Variants in MAP7D1 observed in about 807,000 individuals in gnomAD.
MAP7D1 encodes the protein MAP7 domain containing 1.
MAP7D1 carries 30 observed loss-of-function variants against 97.5 expected under a neutral mutation model. The observed-to-expected ratio is 0.31, with a 90% CI of 0.23 to 0.42. The LOEUF is 0.42. Ranked by LOEUF, MAP7D1 falls within the 10% of genes least tolerant of loss-of-function variation. The pLI is 1.00. For synonymous variants in MAP7D1, 536 were observed against 477.1 expected (o/e 1.12, Z -1.61); for missense variants, 1,184 against 1,179.5 (o/e 1.00, Z -0.06).
At chr1:36,178,644 G>A (rs1386753147) in intron 10 of MAP7D1, 41 bp from the exon 11 acceptor site, 13 of 1,539,398 alleles carry the variant, frequency 8.4e-6, no homozygotes. Flanking sequence ...CGCTGGAGAA[G>A]AAGCAGAGGC....
Position 36,176,431 on chromosome 1 carries a change from C to T in MAP7D1, c.1083C>T (p.Cys361=), listed in dbSNP as rs1239730994. 6.6e-7 allele frequency: 1 copy of T among 1,523,700 alleles called. No homozygotes were observed. The allele number at this position is 1,523,700 out of a possible 1,614,324, so 94.4% of individuals were successfully genotyped here. A position where few individuals can be genotyped will look rare whatever the true frequency, so the allele number is the denominator to read the frequency against. The part of the protein sequence containing the change: ...RTHPSAAVPV[C]PRSASASPLT... ...ATCCCTCTGCAGCCGTGCCGGTGTGCCCGCGCTCGGCCTCCGCCAGCCCCC... is the reference window on the plus strand; with the variant it reads ...ATCCCTCTGCAGCCGTGCCGGTGTGTCCGCGCTCGGCCTCCGCCAGCCCCC... Residue 361 remains cysteine (C), a synonymous_variant, in exon 7 of 17, where the codon TGC becomes TGT. Coordinates refer to ENST00000474796, the MANE Select transcript of MAP7D1 (RefSeq NM_001388490.1). This position sits in a 1 kb window ranked among gnomAD's most constrained non-coding sequence, Gnocchi z 6.1.
At chr1:36,163,343 T>C (rs1456459447) in intron 1 of MAP7D1, among the ~76,000 whole-genome samples, 1 of 152,194 alleles carries the variant, frequency 6.6e-6, no homozygotes, top group East Asian at 1.9e-4. Flanking sequence ...TAGATATTAG[T>C]GTAGCAAAAT....
At chr1:36,179,068 G>A in intron 12 of MAP7D1, 43 bp downstream of exon 12, 1 of 1,516,566 alleles carries the variant, frequency 6.6e-7, no homozygotes. Context: ...GGCCTGGGCA[G>A]GGCGGGCCAG....
intron 1 of MAP7D1, among the ~76,000 whole-genome samples, chr1:36,167,194 C>T (rs1456055755): frequency 6.6e-6 from 1 of 152,150 alleles, no homozygotes; most frequent in Non-Finnish European, 1.5e-5. Context: ...AGCCCTAGGG[C>T]ACTCCAGCGC....
chr1:36,176,692 G>T lies in MAP7D1; in HGVS notation c.1234-5G>T, dbSNP rs1316497206. 8 of 1,604,978 alleles carry T rather than the reference G, an allele frequency of 5.0e-6. No individual in the cohort carries two copies. The highest frequency in any genetic ancestry group is 6.8e-6 in the Non-Finnish European group (8 of 1,176,386). ...TCTCCTCTTCCGTTCCTCCTTCCCT[G>T]CCAGGTGCAGAAAAAGGAGAAGAAG... On this transcript the variant is annotated splice_region_variant and splice_polypyrimidine_tract_variant and intron_variant, in intron 7 of 16. Transcript: ENST00000474796. This position sits in a 1 kb window ranked among gnomAD's most constrained non-coding sequence, Gnocchi z 6.1.
chr1:36,176,248 G>A lies in MAP7D1; in HGVS notation c.900G>A (p.Leu300=). 6.2e-7 allele frequency: 1 copy of A among 1,608,514 alleles called. No homozygotes were observed. The highest frequency in any genetic ancestry group is 8.5e-7 in the Non-Finnish European group (1 of 1,179,210). ...GGGAGAGCAGCATCGTGGATCGTCT[G>A]ATGACGCCCACTCTCTCCTTCCTTG... ...SAWESSIVDR[L]MTPTLSFLAR... is the part of the protein sequence containing the mutation. The change falls in exon 7 of 17, where the codon CTG becomes CTA. Residue 300 remains leucine, a synonymous_variant. Transcript: ENST00000474796. This position sits in a 1 kb window ranked among gnomAD's most constrained non-coding sequence, Gnocchi z 6.1.
chr1:36,169,334 AT>A (rs1644512141), intron 1 of MAP7D1, among the ~76,000 whole-genome samples: 1 of 151,036 alleles, frequency 6.6e-6, no homozygotes, highest in Admixed American at 6.6e-5. Context: ...AGGCGGGCGG[AT>A]CATGAGGTCA....
rs1429752140 is a variant in MAP7D1 at position 36,176,645 on chromosome 1, C to T, written c.1234-52C>T. 1 of 1,588,334 alleles carries T rather than the reference C, an allele frequency of 6.3e-7. No individual in the cohort carries two copies. The highest frequency in any genetic ancestry group is 1.3e-5 in the African/African-American group (1 of 74,596). On this transcript the variant is annotated intron_variant, in intron 7 of 16. Transcript: ENST00000474796. This position sits in a 1 kb window ranked among gnomAD's most constrained non-coding sequence, Gnocchi z 6.1. ...GGACAGGCAGCCTGGAACTGGGGTA[C>T]GCGGGCGCTGCTGACCTCTACTCTC...
rs763993710 is a variant in MAP7D1 at position 36,176,311 on chromosome 1, C to T, written c.963C>T (p.Gly321=). The change falls in exon 7 of 17, where the codon GGC becomes GGT. Residue 321 remains glycine (G), a synonymous_variant. Coordinates refer to ENST00000474796, the MANE Select transcript of MAP7D1 (RefSeq NM_001388490.1). This position sits in a 1 kb window ranked among gnomAD's most constrained non-coding sequence, Gnocchi z 6.1. ...SRSAVTLPRN[G]RDQGRGCDPG... ...GCGCGGTCACACTGCCCCGCAACGG[C>T]CGGGACCAGGGTAGGGGCTGCGACC... The T allele has an allele frequency of 3.1e-5, 49 of 1,561,792 alleles. No homozygotes were observed. Among genetic ancestry groups the T allele is most frequent in the Non-Finnish European group, 4.1e-5 (47 of 1,156,108 alleles).
rs1229182588 is a variant in MAP7D1 at position 36,180,678 on chromosome 1, T to C, written c.*420T>C. 1.3e-5 allele frequency: 3 copies of C among 237,468 alleles called. No individual in the cohort carries two copies. The highest frequency in any genetic ancestry group is 2.5e-5 in the Non-Finnish European group (3 of 119,892). The allele number at this position is 237,468 out of a possible 1,614,324, so 14.7% of individuals were successfully genotyped here. A position where few individuals can be genotyped will look rare whatever the true frequency, so the allele number is the denominator to read the frequency against. On this transcript the variant is annotated 3_prime_UTR_variant, in exon 17 of 17. Coordinates refer to ENST00000474796, the MANE Select transcript of MAP7D1 (RefSeq NM_001388490.1). ...CCCCCAAAGCCCCCTGGGGAGATCT[T>C]CCTCTCTCTATTTAACTGTAACTGA... is the stretch of plus-strand genomic sequence containing the variant.
Position 36,179,533 on chromosome 1 carries a change from G to A in MAP7D1, c.2203G>A (p.Ala735Thr), listed in dbSNP as rs577554367. The change falls in exon 14 of 17, where the codon GCC (alanine) becomes ACC (threonine). Residue 735 changes from alanine (A) to threonine (T), a missense_variant. Ala to Thr is a moderately conservative substitution (Grantham distance 58). Transcript: ENST00000474796. ...SETKKQDSKE[A>T]NANGSSPEPV... ...AAAGCAGAAGCAGGACAGCAAGGAG[G>A]CCAACGCCAACGGTTCCAGCCCAGG... 2 of 1,575,234 alleles carry A rather than the reference G, an allele frequency of 1.3e-6. No individual in the cohort carries two copies. The highest frequency in any genetic ancestry group is 1.3e-5 in the African/African-American group (1 of 74,324).
intron 1 of MAP7D1, among the ~76,000 whole-genome samples, chr1:36,163,947 C>A (rs966932638): frequency 4.7e-5 from 7 of 149,768 alleles, no homozygotes; most frequent in Non-Finnish European, 1.0e-4. Context: ...CTCTCAGCCT[C>A]CCAAGTAGCT....
rs1644575798 is a variant in MAP7D1, at chr1:36,173,431, G to C, written c.692G>C (p.Trp231Ser). The change falls in exon 5 of 17, where the codon TGG becomes TCG. Residue 231 changes from tryptophan (W) to serine (S), a missense_variant. Trp to Ser is a radical substitution (Grantham distance 177, BLOSUM62 -3). Transcript: ENST00000474796. ...KTWAEIRQQR[W>S]SWAGALHHSS... ...TGGGCCGAAATCCGGCAGCAGCGCT[G>C]GTCCTGGGCAGGGGCCCTGCACCAC... 1 of 1,614,116 alleles carries C rather than the reference G, an allele frequency of 6.2e-7. No individual in the cohort carries two copies. The highest frequency in any genetic ancestry group is 2.2e-5 in the East Asian group (1 of 44,866).
rs141723453 is a variant in MAP7D1 at position 36,171,332 on chromosome 1, C to T, written c.391+17C>T. 210 of 1,550,076 alleles carry T rather than the reference C, an allele frequency of 1.4e-4. 4 individuals are homozygous for T. In the South Asian group the frequency reaches 2.3e-3, roughly 17 times the overall value. On this transcript the variant is annotated intron_variant, in intron 2 of 16. Coordinates refer to ENST00000474796, the MANE Select transcript of MAP7D1 (RefSeq NM_001388490.1). ...CCAAGCAAGGTGTGTGTAATGACCC[C>T]GGCCTGGGCCTAAACCTCTTGGCTC...
chr1:36,174,299 G>A (rs1644587196), intron 5 of MAP7D1, among the ~76,000 whole-genome samples: 1 of 152,234 alleles, frequency 6.6e-6, no homozygotes, highest in Admixed American at 6.5e-5. Flanking sequence ...GCTTCGATCT[G>A]TTTGTGGCTT....
chr1:36,178,774 G>A lies in MAP7D1; in HGVS notation c.1976G>A (p.Arg659Gln). ...CGGAGGCGGGAGGAGCAGGAGGCAC[G>A]AGAGAAGGCGCAGGCCGAGCAGGAG... ...EARRREEQEA[R>Q]EKAQAEQEEQ... The change falls in exon 11 of 17, where the codon CGA (arginine) becomes CAA (glutamine). Residue 659 changes from arginine (R) to glutamine (Q), a missense_variant. Coordinates refer to ENST00000474796, the MANE Select transcript of MAP7D1 (RefSeq NM_001388490.1). 2 of 1,547,386 alleles carry A rather than the reference G, an allele frequency of 1.3e-6. No homozygotes were observed. The highest frequency in any genetic ancestry group is 1.2e-5 in the South Asian group (1 of 83,874).
chr1:36,161,469 A>G (rs763821329), intron 1 of MAP7D1, among the ~76,000 whole-genome samples: 27 of 152,290 alleles, frequency 1.8e-4, no homozygotes, highest in Middle Eastern at 3.4e-3. Flanking sequence ...TTTGCTACTC[A>G]CTAGCTGTGG....
rs1644616494 is a variant in MAP7D1, at chr1:36,176,165, C to T, written c.851-34C>T. 3 of 1,598,488 alleles carry T rather than the reference C, an allele frequency of 1.9e-6. No individual in the cohort carries two copies. Among genetic ancestry groups the T allele is most frequent in the South Asian group, 1.1e-5 (1 of 90,520 alleles). ...CTCTTCCTGCCTCCTACGGCCCCCACGGTGACCGGCTTCGCCTGGCCTTCT... is the reference window on the plus strand; with the variant it reads ...CTCTTCCTGCCTCCTACGGCCCCCATGGTGACCGGCTTCGCCTGGCCTTCT... On this transcript the variant is annotated intron_variant, in intron 6 of 16. Coordinates refer to ENST00000474796, the MANE Select transcript of MAP7D1 (RefSeq NM_001388490.1). This position sits in a 1 kb window ranked among gnomAD's most constrained non-coding sequence, Gnocchi z 6.1.
chr1:36,178,251 C>T (rs1279175252), intron 9 of MAP7D1, 50 bp downstream of exon 9: 5 of 1,496,214 alleles, frequency 3.3e-6, no homozygotes, highest in African/African-American at 1.4e-5. Context: ...AAGCCAGCTT[C>T]TCCTGTGTGG....
Sources: allele counts gnomAD v4.1 joint callset (sites outside exome capture counted in the v4.1 genomes callset), GRCh38; gene constraint gnomAD v4.1.1; non-coding constraint Gnocchi (gnomAD v3.1); transcripts MANE v1.5; gene names NCBI Gene and HGNC (gene_info 2026-07-23, HGNC 2026-07-21).